The following CACNA1E variants were observed in gnomAD, a reference collection of about 807,000 sequenced individuals.
The protein encoded by CACNA1E is voltage-dependent R-type calcium channel subunit alpha-1E.
Under a neutral mutation model 259.2 loss-of-function variants are expected in CACNA1E, and 40 were observed. The ratio of observed to expected loss-of-function variants is 0.15; its 90% confidence interval spans 0.12 to 0.20. The LOEUF (loss-of-function observed/expected upper bound fraction) is 0.20. Among genes scored for constraint, CACNA1E ranks in the 10% least tolerant of loss-of-function variants. CACNA1E has a pLI of 1.00. For synonymous variants in CACNA1E, 1,104 were observed against 1,138.5 expected (o/e 0.97, Z 0.61); for missense variants, 1,874 against 3,040.1 (o/e 0.62, Z 9.02).
chr1:181,604,385 G>A (rs928105822), intron 6 of CACNA1E, among the ~76,000 whole-genome samples: 1 of 152,150 alleles, frequency 6.6e-6, no homozygotes, highest in Admixed American at 6.5e-5. Flanking sequence ...AGCTTGAGAT[G>A]GTGTTTTTCA....
chr1:181,806,501 C>G lies in CACNA1E; in HGVS notation c.*7667C>G, dbSNP rs1007894561. On this transcript the variant is annotated 3_prime_UTR_variant, in exon 48 of 48. Coordinates refer to ENST00000367573, the MANE Select transcript of CACNA1E (RefSeq NM_001205293.3). The stretch of plus-strand genomic sequence containing the variant: ...TGCATTCTAAAACGTGCAAGTCATG[C>G]CCCACAAGACACCTCCTTAGGGCAG... 2.0e-5 allele frequency: 3 copies of G among 152,182 alleles called. No individual in the cohort carries two copies. The highest frequency in any genetic ancestry group is 4.4e-5 in the Non-Finnish European group (3 of 68,042). 9.4% of individuals were successfully genotyped at this position (152,182 alleles called of 1,614,324 possible). A position where few individuals can be genotyped will look rare whatever the true frequency, so the allele number is the denominator to read the frequency against.
At chr1:181,368,533 T>A (rs188172361) in intron 1 of CACNA1E, among the ~76,000 whole-genome samples, 8 of 152,262 alleles carry the variant, frequency 5.3e-5, no homozygotes, top group Admixed American at 3.9e-4. Context: ...AATTCAGACA[T>A]CCCTATGGAG....
intron 1 of CACNA1E, among the ~76,000 whole-genome samples, chr1:181,328,454 C>A (rs1014018480): frequency 6.6e-6 from 1 of 152,178 alleles, no homozygotes; most frequent in African/African-American, 2.4e-5. Flanking sequence ...AGTGAGCAAG[C>A]CTTTTTCAGT....
intron 1 of CACNA1E, among the ~76,000 whole-genome samples, chr1:181,331,519 A>G (rs1389802379): frequency 6.6e-6 from 1 of 152,152 alleles, no homozygotes; most frequent in Non-Finnish European, 1.5e-5. Context: ...TTTTTGTTCT[A>G]TACAAGCCTT....
rs117973180 is a variant in CACNA1E at position 181,477,800 on chromosome 1, G to A, written c.435-5944G>A. Among the ~76,000 whole-genome samples, 240 of 152,294 alleles carry A rather than the reference G, an allele frequency of 1.6e-3. 2 individuals carry two copies. The East Asian group carries it at 0.04, about 25-fold the overall frequency. On this transcript the variant is annotated intron_variant, in intron 2 of 11. Transcript: ENST00000524607. The stretch of plus-strand genomic sequence containing the variant: ...TGAAATGTACATAACAAGTACTTAC[G>A]TAGCACATACTTATTGTGTGCAAGG...
At chr1:181,532,711 A>C (rs1667875577) in intron 3 of CACNA1E, among the ~76,000 whole-genome samples, 2 of 152,246 alleles carry the variant, frequency 1.3e-5, no homozygotes, top group Non-Finnish European at 2.9e-5. Context: ...TTTGATTTTC[A>C]AAGCATTTGA....
intron 3 of CACNA1E, among the ~76,000 whole-genome samples, chr1:181,553,818 A>G (rs930062291): frequency 7.9e-5 from 12 of 152,142 alleles, no homozygotes; most frequent in African/African-American, 2.9e-4. Context: ...TCATTTGCGT[A>G]TGTTGAACCA....
chr1:181,615,133 A>G (rs978415695), intron 6 of CACNA1E, among the ~76,000 whole-genome samples: 5 of 152,178 alleles, frequency 3.3e-5, no homozygotes, highest in Admixed American at 6.5e-5. Flanking sequence ...TCCATTCATT[A>G]TATACTTTTT....
chr1:181,404,181 C>T (rs1200059810), intron 1 of CACNA1E, among the ~76,000 whole-genome samples: 4 of 152,164 alleles, frequency 2.6e-5, no homozygotes, highest in East Asian at 1.9e-4. Context: ...ACTGTACGGA[C>T]GGTGCACAAG....
intron 1 of CACNA1E, among the ~76,000 whole-genome samples, chr1:181,388,926 C>T (rs547411142): frequency 6.6e-6 from 1 of 151,886 alleles, no homozygotes; most frequent in East Asian, 1.9e-4. Context: ...CTTATGGGAG[C>T]ATCGTTGTAT....
intron 2 of CACNA1E, among the ~76,000 whole-genome samples, chr1:181,422,181 G>A (rs139304760): frequency 6.6e-6 from 1 of 152,242 alleles, no homozygotes; most frequent in Non-Finnish European, 1.5e-5. Flanking sequence ...ATAGACACCT[G>A]GTCACTGTGC....
chr1:181,613,033 C>T (rs1654887898), intron 6 of CACNA1E, among the ~76,000 whole-genome samples: 2 of 152,170 alleles, frequency 1.3e-5, no homozygotes, highest in African/African-American at 4.8e-5. Flanking sequence ...TCACCTTTAT[C>T]ATAACCATAT....
intron 6 of CACNA1E, among the ~76,000 whole-genome samples, chr1:181,586,045 T>TA (rs137902822): frequency 0.029 from 4,458 of 151,998 alleles, 101 homozygotes; most frequent in Non-Finnish European, 0.048. Flanking sequence ...AGCAAGGATA[T>TA]AAAAAAAATG....
At chr1:181,468,200 A>G (rs1309669255) in intron 2 of CACNA1E, among the ~76,000 whole-genome samples, 4 of 152,238 alleles carry the variant, frequency 2.6e-5, no homozygotes, top group Non-Finnish European at 4.4e-5. Context: ...ATTTTCTACC[A>G]AAGAACAAAA....
intron 18 of CACNA1E, among the ~76,000 whole-genome samples, chr1:181,726,635 G>A (rs1275572222): frequency 6.6e-6 from 1 of 152,202 alleles, no homozygotes; most frequent in African/African-American, 2.4e-5. Flanking sequence ...GGTCCTTAAA[G>A]TCCAGGTGGA....
chr1:181,511,368 C>A lies in CACNA1E; in HGVS notation c.373-3C>A. ...CTGGTGCTTCTGCTCCTCATCCCCA[C>A]AGGAGAAGACAGAACCTTATTTCAT... On this transcript the variant is annotated splice_region_variant and splice_polypyrimidine_tract_variant and intron_variant, in intron 2 of 47. Coordinates refer to ENST00000367573, the MANE Select transcript of CACNA1E (RefSeq NM_001205293.3). 1 of 1,613,916 alleles carries A rather than the reference C, an allele frequency of 6.2e-7. No homozygotes were observed. Among genetic ancestry groups the A allele is most frequent in the Non-Finnish European group, 8.5e-7 (1 of 1,179,840 alleles).
intron 6 of CACNA1E, among the ~76,000 whole-genome samples, chr1:181,650,686 C>T (rs980138620): frequency 1.3e-5 from 2 of 150,988 alleles, no homozygotes; most frequent in South Asian, 2.1e-4. Flanking sequence ...TTCGAGAATC[C>T]GGAATATGGA....
At chr1:181,532,633 G>T (rs1667870321) in intron 3 of CACNA1E, among the ~76,000 whole-genome samples, 1 of 152,238 alleles carries the variant, frequency 6.6e-6, no homozygotes, top group African/African-American at 2.4e-5. Flanking sequence ...GTTTGGGTTG[G>T]ATTTGTCAGT....
At chr1:181,643,564 T>C (rs1389294112) in intron 6 of CACNA1E, among the ~76,000 whole-genome samples, 2 of 152,048 alleles carry the variant, frequency 1.3e-5, no homozygotes, top group African/African-American at 4.8e-5. Flanking sequence ...ACATCTGGGG[T>C]GGGCCATGCC....
Sources: gnomAD v4.1 joint callset for allele counts (sites outside exome capture counted in the v4.1 genomes callset) on GRCh38, gnomAD v4.1.1 for gene constraint, MANE v1.5 for transcripts, NCBI Gene and HGNC (gene_info 2026-07-23, HGNC 2026-07-21) for gene names.